Variants in SLC35F1 observed in about 807,000 individuals in gnomAD.
SLC35F1 encodes chromosome 6 open reading frame 169.
In SLC35F1, 14 loss-of-function variants were observed where a neutral mutation model predicts 48.7. The observed-to-expected ratio is 0.29, with a 90% CI of 0.19 to 0.45. The LOEUF (loss-of-function observed/expected upper bound fraction) is 0.45. Among genes scored for constraint, SLC35F1 ranks in the 20% least tolerant of loss-of-function variants. The probability of loss-of-function intolerance (pLI) is 1.00; values close to 1 mark genes in which losing one functional copy is unlikely to be tolerated. For synonymous variants in SLC35F1, 190 were observed against 202.2 expected (o/e 0.94, Z 0.51); for missense variants, 404 against 500.0 (o/e 0.81, Z 1.83).
At chr6:118,162,470 C>T (rs1774250841) in intron 2 of SLC35F1, among the ~76,000 whole-genome samples, 1 of 152,036 alleles carries the variant, frequency 6.6e-6, no homozygotes, top group African/African-American at 2.4e-5. Flanking sequence ...TGACTATATA[C>T]ATTTGTTGAA....
intron 1 of SLC35F1, among the ~76,000 whole-genome samples, chr6:117,950,065 C>G (rs1384873727): frequency 1.3e-5 from 2 of 152,130 alleles, no homozygotes; most frequent in Non-Finnish European, 2.9e-5. Context: ...GGGCTTGATT[C>G]TATGCTACCC....
At chr6:118,259,876 A>G (rs1442496550) in intron 3 of SLC35F1, among the ~76,000 whole-genome samples, 3 of 152,102 alleles carry the variant, frequency 2.0e-5, no homozygotes, top group African/African-American at 7.2e-5. Context: ...CTCAATATCT[A>G]CCCAAAGAAA....
rs948771941 is a variant in SLC35F1, at chr6:117,934,171, C to T, written c.173+26272C>T. 5.9e-5 allele frequency among the ~76,000 whole-genome samples: 9 copies of T among 152,164 alleles called. 1 individual carries two copies. The highest frequency in any genetic ancestry group is 4.2e-4 in the South Asian group (2 of 4,800). ...CTAGGATAGGATTCAACTTTTTAACCGCTCCTTGTAAATCAAACCCATAGC... is the reference window on the plus strand; with the variant it reads ...CTAGGATAGGATTCAACTTTTTAACTGCTCCTTGTAAATCAAACCCATAGC... On this transcript the variant is annotated intron_variant, in intron 1 of 7. Coordinates refer to ENST00000360388, the MANE Select transcript of SLC35F1 (RefSeq NM_001029858.4).
At chr6:117,944,815 T>C (rs780434574) in intron 1 of SLC35F1, among the ~76,000 whole-genome samples, 34 of 152,212 alleles carry the variant, frequency 2.2e-4, no homozygotes, top group Non-Finnish European at 4.9e-4. Flanking sequence ...GTGATTCTTA[T>C]TTCAGTATGA....
intron 1 of SLC35F1, among the ~76,000 whole-genome samples, chr6:117,951,067 G>A (rs1210702028): frequency 6.6e-6 from 1 of 152,046 alleles, no homozygotes; most frequent in Non-Finnish European, 1.5e-5. Context: ...GGCTCGAATG[G>A]GAACATTTCT....
At chr6:118,053,033 A>G (rs1026060466) in intron 1 of SLC35F1, among the ~76,000 whole-genome samples, 1 of 152,082 alleles carries the variant, frequency 6.6e-6, no homozygotes, top group African/African-American at 2.4e-5. Context: ...CAGGTTGATC[A>G]GGCAATGTAA....
At chr6:118,041,504 A>T (rs543256627) in intron 1 of SLC35F1, among the ~76,000 whole-genome samples, 22 of 152,244 alleles carry the variant, frequency 1.4e-4, no homozygotes, top group Non-Finnish European at 2.4e-4. Context: ...AGTATCCTAG[A>T]TATTGGAGAT....
chr6:118,122,848 G>A (rs1206255581), intron 1 of SLC35F1, among the ~76,000 whole-genome samples: 1 of 152,186 alleles, frequency 6.6e-6, no homozygotes, highest in African/African-American at 2.4e-5. Flanking sequence ...CCTAATAGAG[G>A]CCCAGTGATG....
intron 1 of SLC35F1, among the ~76,000 whole-genome samples, chr6:118,076,357 C>T (rs1772817950): frequency 6.6e-6 from 1 of 152,138 alleles, no homozygotes; most frequent in Non-Finnish European, 1.5e-5. Flanking sequence ...GCCATTCTCA[C>T]ATTGCTATGA....
chr6:118,216,607 A>G (rs1291219945), intron 2 of SLC35F1, among the ~76,000 whole-genome samples: 1 of 65,120 alleles, frequency 1.5e-5, no homozygotes, highest in African/African-American at 5.6e-5. Flanking sequence ...AACTTACTTA[A>G]AAGAAACCCT....
chr6:117,918,919 A>C (rs563253940), intron 1 of SLC35F1, among the ~76,000 whole-genome samples: 100 of 152,206 alleles, frequency 6.6e-4, no homozygotes, highest in African/African-American at 2.1e-3. Context: ...TTTAAGAGAC[A>C]AAGTTTCACG....
chr6:118,034,702 T>C (rs1339892025), intron 1 of SLC35F1, among the ~76,000 whole-genome samples: 1 of 152,208 alleles, frequency 6.6e-6, no homozygotes, highest in Non-Finnish European at 1.5e-5. Flanking sequence ...CATGTTATGC[T>C]TTGTTTCACC....
At chr6:118,058,724 G>A (rs1481253636) in intron 1 of SLC35F1, among the ~76,000 whole-genome samples, 3 of 151,922 alleles carry the variant, frequency 2.0e-5, no homozygotes, top group Admixed American at 2.0e-4. Flanking sequence ...ATTATAAGTT[G>A]GAATTGTGAG....
intron 1 of SLC35F1, among the ~76,000 whole-genome samples, chr6:118,035,578 C>T (rs1465132151): frequency 6.7e-6 from 1 of 149,718 alleles, no homozygotes; most frequent in East Asian, 2.0e-4. Flanking sequence ...CGTGCCAGTG[C>T]ACTCCAGTTT....
chr6:117,923,115 A>C (rs1434147244), intron 1 of SLC35F1, among the ~76,000 whole-genome samples: 2 of 152,220 alleles, frequency 1.3e-5, no homozygotes, highest in Non-Finnish European at 2.9e-5. Flanking sequence ...TTGCTGAAAT[A>C]CATGGTTTCT....
intron 1 of SLC35F1, among the ~76,000 whole-genome samples, chr6:117,950,540 A>G (rs150426024): frequency 6.6e-6 from 1 of 152,360 alleles, no homozygotes; most frequent in Non-Finnish European, 1.5e-5. Context: ...TCCTTGGCAT[A>G]TATAAATCTG....
intron 1 of SLC35F1, among the ~76,000 whole-genome samples, chr6:117,949,959 C>T (rs186065574): frequency 1.3e-5 from 2 of 152,224 alleles, no homozygotes; most frequent in Admixed American, 1.3e-4. Flanking sequence ...CGTCCCCCAC[C>T]CACTCTGGGC....
intron 1 of SLC35F1, among the ~76,000 whole-genome samples, chr6:117,983,428 T>G (rs1776808136): frequency 6.6e-6 from 1 of 151,892 alleles, no homozygotes; most frequent in Non-Finnish European, 1.5e-5. Flanking sequence ...TACAAAAAAA[T>G]TAGTCGGGTG....
chr6:118,067,466 G>A (rs1279578666), intron 1 of SLC35F1, among the ~76,000 whole-genome samples: 1 of 152,140 alleles, frequency 6.6e-6, no homozygotes, highest in Non-Finnish European at 1.5e-5. Flanking sequence ...CCACAAGAAA[G>A]CCCCATACAT....
Sources: allele counts gnomAD v4.1 joint callset (sites outside exome capture counted in the v4.1 genomes callset), GRCh38; gene constraint gnomAD v4.1.1; transcripts MANE v1.5; gene names NCBI Gene and HGNC (gene_info 2026-07-23, HGNC 2026-07-21).